The following RIOK2 variants were observed in gnomAD, a reference collection of about 807,000 sequenced individuals.
RIOK2 encodes serine/threonine-protein kinase RIO2.
Under a neutral mutation model 62.4 loss-of-function variants are expected in RIOK2, and 46 were observed. That is an observed-to-expected ratio of 0.74 (90% CI 0.58 to 0.94). RIOK2 has a LOEUF of 0.94. Ranked by LOEUF, RIOK2 falls within the 40% of genes least tolerant of loss-of-function variation. The pLI is 0.00. For synonymous variants in RIOK2, 197 were observed against 216.0 expected, an observed-to-expected ratio of 0.91 and a Z score of 0.77; for missense variants, 574 against 658.0, an observed-to-expected ratio of 0.87 and a Z score of 1.40.
At chr5:97,163,319 A>AT (rs1263947688) in intron 9 of RIOK2, 94 bp from the exon 10 acceptor site, 6 of 1,034,218 alleles carry the variant, frequency 5.8e-6, no homozygotes, top group Middle Eastern at 2.2e-4. Flanking sequence ...GACACCATGA[A>AT]TTTTAAGATT....
rs1749212798 is a variant in RIOK2, at chr5:97,177,824, T to C, written c.230A>G (p.Asn77Ser). The C allele has an allele frequency of 6.2e-7, 1 of 1,613,298 alleles. No individual in the cohort carries two copies. Among genetic ancestry groups the C allele is most frequent in the Non-Finnish European group, 8.5e-7 (1 of 1,179,470 alleles). The change falls in exon 3 of 10, where the codon AAT becomes AGT. Residue 77 changes from asparagine to serine, a missense_variant. Physicochemically the swap from Asn to Ser is conservative, Grantham distance 46. Transcript: ENST00000283109. ...CAAAGCTAGGTAATCATATCCTGCA[T>C]TTGTCAACCGATAGCCCTGGACAGC... is the stretch of plus-strand genomic sequence containing the variant. The part of the protein sequence containing the change: ...TKTVQGYRLT[N>S]AGYDYLALKT...
At chr5:97,175,471 CA>C (rs1233406479) in intron 4 of RIOK2, among the ~76,000 whole-genome samples, 18 of 152,160 alleles carry the variant, frequency 1.2e-4, no homozygotes, top group African/African-American at 4.1e-4. Flanking sequence ...TATGTGCAAC[CA>C]GATTCCATTC....
Position 97,171,355 on chromosome 5 carries a change from A to G in RIOK2, c.630T>C (p.Asp210=), listed in dbSNP as rs199918356. The G allele has an allele frequency of 6.3e-7, 1 of 1,582,510 alleles. No individual in the cohort carries two copies. Residue 210 remains aspartate, a synonymous_variant, in exon 6 of 10, where the codon GAT becomes GAC. Coordinates refer to ENST00000283109, the MANE Select transcript of RIOK2 (RefSeq NM_018343.3). ...GTTTGACAATTAGTTCCATAGCTTC[A>G]TCATATACTGATGCAGGATCTTCAA... ...HHVEDPASVY[D]EAMELIVKLA...
intron 9 of RIOK2, among the ~76,000 whole-genome samples, chr5:97,164,597 T>C (rs1748791887): frequency 6.6e-6 from 1 of 152,132 alleles, no homozygotes; most frequent in Admixed American, 6.5e-5. Flanking sequence ...GTCTGAGGCT[T>C]ACACACCTTA....
At position 97,183,212 on chromosome 5, in the gene RIOK2, A is replaced by G; in HGVS notation, c.-21T>C. On this transcript the variant is annotated 5_prime_UTR_variant, in exon 1 of 10. Coordinates refer to ENST00000283109, the MANE Select transcript of RIOK2 (RefSeq NM_018343.3). ...CCCATGGCGGCCCCAGTCCGAACCCAGATGCCTCTCCGACGACAGCCGCAA... is the reference window on the plus strand; with the variant it reads ...CCCATGGCGGCCCCAGTCCGAACCCGGATGCCTCTCCGACGACAGCCGCAA... 1 of 1,613,980 alleles carries G rather than the reference A, an allele frequency of 6.2e-7. No individual in the cohort carries two copies. Among genetic ancestry groups the G allele is most frequent in the East Asian group, 2.2e-5 (1 of 44,864 alleles).
At chr5:97,180,124 A>ATGTG (rs202016921) in intron 1 of RIOK2, among the ~76,000 whole-genome samples, 1 of 39,004 alleles carries the variant, frequency 2.6e-5, no homozygotes, top group Admixed American at 5.0e-4. Flanking sequence ...GCATGTGTAT[A>ATGTG]TGTATATATA....
intron 9 of RIOK2, 111 bp from the exon 10 acceptor site, chr5:97,163,336 A>C (rs1296219112): frequency 1.2e-6 from 1 of 835,688 alleles, no homozygotes; most frequent in Non-Finnish European, 1.9e-6. Context: ...GATTCCAAAC[A>C]CTGACAGTAC....
intron 1 of RIOK2, among the ~76,000 whole-genome samples, chr5:97,180,037 T>TTATATATATATTATATATATATAA (rs1749331269): frequency 4.7e-5 from 3 of 63,494 alleles, no homozygotes; most frequent in Non-Finnish European, 8.6e-5. Context: ...AATATATATA[T>TTATATATATATTATATATATATAA]TATATATATA....
chr5:97,173,582 C>T (rs115474841), intron 4 of RIOK2, among the ~76,000 whole-genome samples: 97 of 152,220 alleles, frequency 6.4e-4, no homozygotes, highest in African/African-American at 2.3e-3. Context: ...TGTCAAAAAG[C>T]CCCCAAGAAG....
intron 1 of RIOK2, among the ~76,000 whole-genome samples, chr5:97,180,000 T>TAAA (rs1561522057): frequency 3.8e-4 from 22 of 57,566 alleles, no homozygotes; most frequent in South Asian, 2.7e-3. Flanking sequence ...AAAATATATA[T>TAAA]ATATTATATA....
rs145674042 is a variant in RIOK2, at chr5:97,179,556, G to GAT, written c.67-365_67-364dup. On this transcript the variant is annotated intron_variant, in intron 1 of 9. Coordinates refer to ENST00000283109, the MANE Select transcript of RIOK2 (RefSeq NM_018343.3). The stretch of plus-strand genomic sequence containing the variant: ...AGTACTACATGTAGGCATCGTAGAG[G>GAT]ATATATATATATATATGAATGATAG... 1.6e-3 allele frequency among the ~76,000 whole-genome samples: 240 copies of GAT among 148,396 alleles called. 1 individual carries two copies. Among genetic ancestry groups the GAT allele is most frequent in the Middle Eastern group, 0.01 (3 of 292 alleles).
At chr5:97,175,536 T>G (rs1037766382) in intron 4 of RIOK2, among the ~76,000 whole-genome samples, 1 of 152,200 alleles carries the variant, frequency 6.6e-6, no homozygotes, top group African/African-American at 2.4e-5. Flanking sequence ...TTTGGGAAAA[T>G]GTGTAAATGA....
At chr5:97,179,724 A>C (rs566586253) in intron 1 of RIOK2, among the ~76,000 whole-genome samples, 19 of 139,954 alleles carry the variant, frequency 1.4e-4, no homozygotes, top group African/African-American at 4.5e-4. Context: ...AGAAAACCAA[A>C]CACCACATTT....
chr5:97,165,013 T>C, intron 9 of RIOK2, 38 bp downstream of exon 9: 2 of 1,305,496 alleles, frequency 1.5e-6, no homozygotes, highest in South Asian at 2.6e-5. Context: ...ACAGTAGTGA[T>C]GTAATAAACA....
rs1271983770 is a variant in RIOK2 at position 97,161,653 on chromosome 5, T to C, written c.*1408A>G. ...TTTGTCTTGAGTTTCTTAATAGTAA[T>C]GGGCTTTTTATGTAGTAGATACTCA... On this transcript the variant is annotated 3_prime_UTR_variant, in exon 10 of 10. Coordinates refer to ENST00000283109, the MANE Select transcript of RIOK2 (RefSeq NM_018343.3). 1 of 152,180 alleles carries C rather than the reference T, an allele frequency of 6.6e-6. No homozygotes were observed. Among genetic ancestry groups the C allele is most frequent in the East Asian group, 1.9e-4 (1 of 5,196 alleles). 9.4% of individuals were successfully genotyped at this position (152,180 alleles called of 1,614,324 possible). A position where few individuals can be genotyped will look rare whatever the true frequency, so the allele number is the denominator to read the frequency against.
intron 1 of RIOK2, among the ~76,000 whole-genome samples, chr5:97,182,377 G>C (rs1749437298): frequency 6.6e-6 from 1 of 152,078 alleles, no homozygotes. Context: ...CTGTCTCAAG[G>C]CCTTTGCACT....
chr5:97,177,774 C>T lies in RIOK2; in HGVS notation c.280G>A (p.Val94Ile). 6.2e-7 allele frequency: 1 copy of T among 1,613,458 alleles called. No homozygotes were observed. The highest frequency in any genetic ancestry group is 8.5e-7 in the Non-Finnish European group (1 of 1,179,516). The change falls in exon 3 of 10, where the codon GTT becomes ATT. Residue 94 changes from valine to isoleucine, a missense_variant. Transcript: ENST00000283109. ...ALKTLSSRQVVESVGNQMGVG... is the reference protein window; with the variant it reads ...ALKTLSSRQVIESVGNQMGVG... ...CCCATCTGGTTTCCAACAGACTCAA[C>T]TACTTGCCTAGAAGAAAGTGTTTTC...
chr5:97,168,636 G>A, intron 7 of RIOK2, 124 bp downstream of exon 7: 1 of 527,728 alleles, frequency 1.9e-6, no homozygotes, highest in East Asian at 3.1e-5. Flanking sequence ...ACAGAGCAAT[G>A]ACATCTAACA....
intron 2 of RIOK2, among the ~76,000 whole-genome samples, chr5:97,178,398 CA>C (rs1749232030): frequency 6.8e-5 from 10 of 145,992 alleles, no homozygotes; most frequent in Non-Finnish European, 1.4e-4. Flanking sequence ...ACATGCTCTT[CA>C]TGCTCTTCTA....
Sources: gnomAD v4.1 joint callset for allele counts (sites outside exome capture counted in the v4.1 genomes callset) on GRCh38, gnomAD v4.1.1 for gene constraint, MANE v1.5 for transcripts, NCBI Gene and HGNC (gene_info 2026-07-23, HGNC 2026-07-21) for gene names.